Variants in MYO5B observed in about 807,000 individuals in gnomAD.
MYO5B encodes the protein unconventional myosin-Vb.
MYO5B carries 143 observed loss-of-function variants against 229.3 expected under a neutral mutation model. The observed-to-expected ratio is 0.62, with a 90% CI of 0.54 to 0.72. MYO5B has a LOEUF of 0.72. MYO5B is among the 30% of genes least tolerant of loss of function. The pLI, the probability that MYO5B is intolerant of heterozygous loss-of-function variation, is 0.00. For missense variants in MYO5B, 2,321 were observed against 2,331.0 expected (o/e 1.00, Z 0.09); for synonymous variants, 918 against 885.2 (o/e 1.04, Z -0.66).
rs775166984 is a variant in MYO5B at position 50,151,309 on chromosome 18, T to C, written c.27+43458A>G. Among the ~76,000 whole-genome samples the C allele has an allele frequency of 1.5e-4, 23 of 152,222 alleles. 1 individual carries two copies. The highest frequency in any genetic ancestry group is 4.4e-5 in the Non-Finnish European group (3 of 68,044). ...ACTATAGCCCACCACAAGTTCTTCC[T>C]GAGAACAGTGGACTGACTGCACGTC... On this transcript the variant is annotated intron_variant, in intron 1 of 39. Transcript: ENST00000285039.
intron 32 of MYO5B, among the ~76,000 whole-genome samples, chr18:49,847,548 T>A (rs895026654): frequency 6.6e-6 from 1 of 152,096 alleles, no homozygotes; most frequent in Non-Finnish European, 1.5e-5. Flanking sequence ...ACACTCTGGA[T>A]AGGGGAGAGG....
In MYO5B at chr18:49,839,128, C is replaced by T. The variant is rs747026310; in HGVS notation, c.4852+16G>A. ...ACACCATGATGAGTGATGTAGCTCT[C>T]CTGCTGCCAGCTTACCTATCATCGG... On this transcript the variant is annotated intron_variant, in intron 36 of 39. Transcript: ENST00000285039. 6.2e-7 allele frequency: 1 copy of T among 1,612,544 alleles called. No homozygotes were observed. The highest frequency in any genetic ancestry group is 1.7e-5 in the Admixed American group (1 of 60,018).
Position 50,055,225 on chromosome 18 carries a change from G to GGCCCCCCCCCCCCCCC in MYO5B, c.138+42_138+43insGGGGGGGGGGGGGGGC. 4.1e-5 allele frequency: 29 copies of GGCCCCCCCCCCCCCCC among 700,358 alleles called. 1 individual carries two copies. Among genetic ancestry groups the GGCCCCCCCCCCCCCCC allele is most frequent in the East Asian group, 1.1e-4 (4 of 37,522 alleles). The allele number at this position is 700,358 out of a possible 1,614,324, so 43.4% of individuals were successfully genotyped here. ...TGTTCCTTGCACACCTGAGCTCCCT[G>GGCCCCCCCCCCCCCCC]CCCCACCTCACCCCCGCCCCCCTGC... is the stretch of plus-strand genomic sequence containing the variant. On this transcript the variant is annotated intron_variant, in intron 2 of 39. Coordinates refer to ENST00000285039, the MANE Select transcript of MYO5B (RefSeq NM_001080467.3).
intron 1 of MYO5B, among the ~76,000 whole-genome samples, chr18:50,082,216 C>T (rs2031236128): frequency 6.6e-6 from 1 of 152,110 alleles, no homozygotes; most frequent in South Asian, 2.1e-4. Flanking sequence ...AGGCAAAGTG[C>T]CAGACATAAG....
At chr18:50,069,077 G>A (rs1369517495) in intron 1 of MYO5B, among the ~76,000 whole-genome samples, 1 of 152,024 alleles carries the variant, frequency 6.6e-6, no homozygotes, top group Non-Finnish European at 1.5e-5. Context: ...GCTCCCAGGA[G>A]GATCAGTGCC....
chr18:49,863,281 T>C lies in MYO5B; in HGVS notation c.3890A>G (p.His1297Arg). Residue 1297 changes from histidine (H) to arginine (R), a missense_variant, in exon 29 of 40, where the codon CAT (histidine) becomes CGT (arginine). Transcript: ENST00000285039. ...ARSSWPNSEK[H>R]VDQEDAIEAY... ...CTCAATGGCATCCTCCTGGTCAACATGCTTTTCACTGTTAGGCCAACTTGA... is the reference window on the plus strand; with the variant it reads ...CTCAATGGCATCCTCCTGGTCAACACGCTTTTCACTGTTAGGCCAACTTGA... The C allele has an allele frequency of 6.2e-7, 1 of 1,613,742 alleles. No homozygotes were observed. The highest frequency in any genetic ancestry group is 8.5e-7 in the Non-Finnish European group (1 of 1,180,002).
At chr18:50,108,673 C>T (rs1357645810) in intron 1 of MYO5B, among the ~76,000 whole-genome samples, 1 of 152,070 alleles carries the variant, frequency 6.6e-6, no homozygotes, top group Non-Finnish European at 1.5e-5. Flanking sequence ...ATCCACAGTG[C>T]CTCATAAGGA....
chr18:49,924,653 G>T (rs770974328), intron 17 of MYO5B, among the ~76,000 whole-genome samples: 3 of 152,186 alleles, frequency 2.0e-5, no homozygotes, highest in African/African-American at 7.2e-5. Flanking sequence ...ATAAACCTTT[G>T]CTGGGATGGT....
intron 26 of MYO5B, among the ~76,000 whole-genome samples, chr18:49,872,763 G>A (rs1305137285): frequency 6.6e-6 from 1 of 152,104 alleles, no homozygotes; most frequent in East Asian, 1.9e-4. Flanking sequence ...TTGAGAGAAA[G>A]GCATGAAGCA....
At chr18:50,108,966 T>C (rs1364558132) in intron 1 of MYO5B, among the ~76,000 whole-genome samples, 1 of 152,184 alleles carries the variant, frequency 6.6e-6, no homozygotes, top group Non-Finnish European at 1.5e-5. Context: ...GCTAAAACTG[T>C]CTTCTCTGAA....
At chr18:49,944,293 C>G (rs918556751) in intron 14 of MYO5B, among the ~76,000 whole-genome samples, 6 of 152,236 alleles carry the variant, frequency 3.9e-5, no homozygotes, top group Middle Eastern at 3.4e-3. Context: ...TGAACCCAGA[C>G]AGCCTGTCTC....
intron 10 of MYO5B, among the ~76,000 whole-genome samples, chr18:49,968,640 TAA>T (rs2025654378): frequency 6.6e-6 from 1 of 152,048 alleles, no homozygotes; most frequent in South Asian, 2.1e-4. Flanking sequence ...AGACCCACAA[TAA>T]AACTTGTTTA....
chr18:50,057,440 C>T (rs149120612), intron 1 of MYO5B, among the ~76,000 whole-genome samples: 1 of 152,320 alleles, frequency 6.6e-6, no homozygotes, highest in Non-Finnish European at 1.5e-5. Context: ...AGGAAAATCC[C>T]AACAGGAACC....
At chr18:50,137,406 A>G (rs997847828) in intron 1 of MYO5B, among the ~76,000 whole-genome samples, 3 of 152,202 alleles carry the variant, frequency 2.0e-5, no homozygotes, top group African/African-American at 7.2e-5. Flanking sequence ...ATCAACTAAA[A>G]ATTTATGCAA....
At chr18:50,055,541 T>C (rs1268490960) in intron 1 of MYO5B, among the ~76,000 whole-genome samples, 163 bp from the exon 2 acceptor site, 3 of 152,176 alleles carry the variant, frequency 2.0e-5, no homozygotes, top group Non-Finnish European at 4.4e-5. Flanking sequence ...GATATCATGA[T>C]AACAGGGGAA....
At chr18:50,030,301 T>G (rs1815934) in intron 4 of MYO5B, among the ~76,000 whole-genome samples, 145,946 of 149,316 alleles carry the variant, frequency 0.98, 71,423 homozygotes, top group East Asian at 1. Flanking sequence ...CTTCTGCAAT[T>G]TATTTCCACA....
At chr18:49,862,063 T>C (rs992103793) in intron 29 of MYO5B, among the ~76,000 whole-genome samples, 1 of 149,398 alleles carries the variant, frequency 6.7e-6, no homozygotes, top group Non-Finnish European at 1.5e-5. Flanking sequence ...AATGGCATGA[T>C]CTCGGCTCAT....
intron 14 of MYO5B, among the ~76,000 whole-genome samples, chr18:49,942,191 T>C (rs1008398756): frequency 6.6e-5 from 10 of 150,928 alleles, no homozygotes; most frequent in Non-Finnish European, 1.3e-4. Context: ...TTAATTCAAG[T>C]TGGATTAAAG....
intron 5 of MYO5B, among the ~76,000 whole-genome samples, chr18:49,998,088 T>C (rs1404001538): frequency 1.3e-5 from 2 of 152,124 alleles, no homozygotes; most frequent in African/African-American, 2.4e-5. Context: ...AAAAGCCTCT[T>C]TCTCTGCTTG....
Sources: allele counts gnomAD v4.1 joint callset (sites outside exome capture counted in the v4.1 genomes callset), GRCh38; gene constraint gnomAD v4.1.1; transcripts MANE v1.5; gene names NCBI Gene and HGNC (gene_info 2026-07-23, HGNC 2026-07-21).